PTPRK: variants seen among roughly 807,000 people sequenced by gnomAD.
PTPRK encodes protein tyrosine phosphatase receptor type K.
A neutral mutation model predicts 178.0 loss-of-function variants in PTPRK; 75 were observed. The ratio of observed to expected loss-of-function variants is 0.42; its 90% confidence interval spans 0.35 to 0.51. The LOEUF (loss-of-function observed/expected upper bound fraction) is 0.51, where lower values mean the gene tolerates loss of function less well. PTPRK is among the 20% of genes least tolerant of loss of function. The pLI, the probability that PTPRK is intolerant of heterozygous loss-of-function variation, is 0.02. For missense variants in PTPRK, 1,441 were observed against 1,797.8 expected (o/e 0.80, Z 3.59); for synonymous variants, 637 against 620.6 (o/e 1.03, Z -0.39).
intron 7 of PTPRK, among the ~76,000 whole-genome samples, chr6:128,170,362 A>G (rs1368873484): frequency 6.6e-6 from 1 of 152,106 alleles, no homozygotes; most frequent in Non-Finnish European, 1.5e-5. Flanking sequence ...GTTTTTACTC[A>G]GCAAAGCCTA....
At chr6:128,033,336 T>C (rs186015591) in intron 13 of PTPRK, among the ~76,000 whole-genome samples, 1 of 152,308 alleles carries the variant, frequency 6.6e-6, no homozygotes, top group Non-Finnish European at 1.5e-5. Context: ...AAGTCAGATT[T>C]AGAGCATGAA....
At chr6:128,400,005 A>G (rs935721013) in intron 1 of PTPRK, among the ~76,000 whole-genome samples, 1 of 152,228 alleles carries the variant, frequency 6.6e-6, no homozygotes, top group Non-Finnish European at 1.5e-5. Context: ...TAGCATACTA[A>G]TAAAACTTTT....
chr6:128,105,348 T>C (rs1789540157), intron 7 of PTPRK, among the ~76,000 whole-genome samples: 1 of 152,128 alleles, frequency 6.6e-6, no homozygotes. Context: ...TTAGCCAGGA[T>C]GGTCTTGATC....
intron 1 of PTPRK, among the ~76,000 whole-genome samples, chr6:128,479,591 A>G (rs1468721326): frequency 6.6e-6 from 1 of 152,164 alleles, no homozygotes; most frequent in African/African-American, 2.4e-5. Context: ...GAGGTTTCAC[A>G]CATAGGTTTT....
intron 29 of PTPRK, among the ~76,000 whole-genome samples, chr6:127,971,988 A>C (rs1773970248): frequency 6.6e-6 from 1 of 152,076 alleles, no homozygotes. Context: ...AATCAAAACC[A>C]ATGTAATCTT....
intron 6 of PTPRK, among the ~76,000 whole-genome samples, chr6:128,214,571 T>TATTATTATTATTATTA: frequency 2.6e-5 from 4 of 151,690 alleles, no homozygotes; most frequent in East Asian, 1.9e-4. Context: ...TTATTATTAT[T>TATTATTATTATTATTA]TTGATAGTTG....
At chr6:128,344,960 TG>T (rs1335738012) in intron 2 of PTPRK, among the ~76,000 whole-genome samples, 2 of 151,474 alleles carry the variant, frequency 1.3e-5, no homozygotes, top group Non-Finnish European at 2.9e-5. Context: ...AAAAGTTACC[TG>T]GGGAACAGAA....
chr6:128,187,054 T>TG (rs1802889881), intron 6 of PTPRK, among the ~76,000 whole-genome samples: 1 of 152,038 alleles, frequency 6.6e-6, no homozygotes, highest in South Asian at 2.1e-4. Flanking sequence ...AGTCACAATA[T>TG]GCCAAGTGAA....
intron 3 of PTPRK, among the ~76,000 whole-genome samples, chr6:128,252,649 T>C (rs945737816): frequency 2.7e-4 from 41 of 152,084 alleles, no homozygotes; most frequent in African/African-American, 9.4e-4. Context: ...GGTTTTGACA[T>C]AGACCCTCAA....
At position 127,997,142 on chromosome 6, in the gene PTPRK, G is replaced by A. The variant is rs190719531; in HGVS notation, c.2680-154C>T. On this transcript the variant is annotated intron_variant, in intron 16 of 29. Coordinates refer to ENST00000368226, the MANE Select transcript of PTPRK (RefSeq NM_002844.4). ...AGTTTCATTCTCAGACCTCAAAGCC[G>A]CTTTGTTGGATTCATACTTGTTCAT... is the stretch of plus-strand genomic sequence containing the variant. 7.2e-5 allele frequency among the ~76,000 whole-genome samples: 11 copies of A among 152,100 alleles called. No individual in the cohort carries two copies. The East Asian group carries it at 1.6e-3, about 21-fold the overall frequency.
intron 5 of PTPRK, among the ~76,000 whole-genome samples, chr6:128,227,972 A>C (rs150056217): frequency 3.3e-4 from 50 of 152,084 alleles, no homozygotes; most frequent in East Asian, 1.4e-3. Flanking sequence ...CTGTCAGGGG[A>C]TAGGGGGCTA....
intron 7 of PTPRK, among the ~76,000 whole-genome samples, chr6:128,118,300 T>C (rs1376842509): frequency 6.6e-6 from 1 of 152,158 alleles, no homozygotes; most frequent in Admixed American, 6.5e-5. Context: ...ACAAATACCC[T>C]GGCACCTGCC....
chr6:128,435,982 A>G (rs1264839870), intron 1 of PTPRK, among the ~76,000 whole-genome samples: 1 of 64,876 alleles, frequency 1.5e-5, no homozygotes, highest in Non-Finnish European at 3.1e-5. Flanking sequence ...GGCCAAAATG[A>G]GAAAGAGGAA....
At chr6:128,283,827 A>G (rs780944285) in intron 3 of PTPRK, among the ~76,000 whole-genome samples, 5 of 152,160 alleles carry the variant, frequency 3.3e-5, no homozygotes, top group Non-Finnish European at 7.4e-5. Context: ...TCTTTCTGGT[A>G]TCTATTCTTC....
intron 21 of PTPRK, among the ~76,000 whole-genome samples, chr6:127,989,870 C>T (rs1244114794): frequency 6.6e-6 from 1 of 151,126 alleles, no homozygotes; most frequent in Non-Finnish European, 1.5e-5. Flanking sequence ...CATTAATAAA[C>T]AATCGCAAGG....
intron 1 of PTPRK, among the ~76,000 whole-genome samples, chr6:128,457,016 G>A (rs1227939778): frequency 6.6e-6 from 1 of 152,078 alleles, no homozygotes; most frequent in African/African-American, 2.4e-5. Context: ...GAAGTTAAAT[G>A]TAGGATCCTG....
At chr6:128,509,903 G>A (rs1207113487) in intron 1 of PTPRK, among the ~76,000 whole-genome samples, 2 of 152,140 alleles carry the variant, frequency 1.3e-5, no homozygotes, top group African/African-American at 4.8e-5. Context: ...GCATTTAAGT[G>A]TTGGTTTAGA....
At chr6:128,258,685 G>A (rs550126662) in intron 3 of PTPRK, among the ~76,000 whole-genome samples, 1 of 152,316 alleles carries the variant, frequency 6.6e-6, no homozygotes, top group Admixed American at 6.5e-5. Context: ...GCTAAGGCAA[G>A]GAGGCAAAGG....
chr6:128,012,960 C>T (rs1779212064), intron 13 of PTPRK, among the ~76,000 whole-genome samples: 1 of 148,698 alleles, frequency 6.7e-6, no homozygotes, highest in Non-Finnish European at 1.5e-5. Context: ...ACTGTTCCCA[C>T]TCACTTCCCA....
Sources: allele counts gnomAD v4.1 joint callset (sites outside exome capture counted in the v4.1 genomes callset), GRCh38; gene constraint gnomAD v4.1.1; transcripts MANE v1.5; gene names NCBI Gene and HGNC (gene_info 2026-07-23, HGNC 2026-07-21).